The following DNM3 variants were observed in gnomAD, a reference collection of about 807,000 sequenced individuals.
DNM3 encodes dynamin-3.
Under a neutral mutation model 101.6 loss-of-function variants are expected in DNM3, and 47 were observed. That is an observed-to-expected ratio of 0.46 (90% CI 0.37 to 0.59). DNM3 has a LOEUF of 0.59. DNM3 is among the 20% of genes least tolerant of loss of function. The pLI is 0.00. For synonymous variants in DNM3, 385 were observed against 387.9 expected (o/e 0.99, Z 0.09); for missense variants, 849 against 1,085.7 (o/e 0.78, Z 3.06).
intron 14 of DNM3, among the ~76,000 whole-genome samples, chr1:172,203,521 G>A (rs2060223233): frequency 6.6e-6 from 1 of 152,126 alleles, no homozygotes; most frequent in African/African-American, 2.4e-5. Context: ...AACATGATAT[G>A]AATCTATTTT....
At chr1:171,846,770 ACT>A (rs1402720990) in intron 1 of DNM3, among the ~76,000 whole-genome samples, 4 of 152,006 alleles carry the variant, frequency 2.6e-5, no homozygotes, top group African/African-American at 7.3e-5. Context: ...AGTTTCTCAC[ACT>A]CTCTGCATTG....
At position 172,409,363 on chromosome 1, in the gene DNM3, TA is replaced by T; in HGVS notation, c.*1525del. 2 of 985,150 alleles carry T rather than the reference TA, an allele frequency of 2.0e-6. No homozygotes were observed. The highest frequency in any genetic ancestry group is 2.4e-6 in the Non-Finnish European group (2 of 829,686). 61.0% of individuals were successfully genotyped at this position (985,150 alleles called of 1,614,324 possible). ...AGTTTACACCCAGAGCAGATACTCATAAAGTATAAAGTAAAAACTTTTAACC... is the reference window on the plus strand; with the variant it reads ...AGTTTACACCCAGAGCAGATACTCATAAGTATAAAGTAAAAACTTTTAACC... On this transcript the variant is annotated 3_prime_UTR_variant, in exon 21 of 21. Coordinates refer to ENST00000627582, the MANE Select transcript of DNM3 (RefSeq NM_015569.5).
chr1:172,305,402 AC>A (rs1171645438), intron 15 of DNM3, among the ~76,000 whole-genome samples: 14 of 152,206 alleles, frequency 9.2e-5, no homozygotes, highest in Admixed American at 5.9e-4. Context: ...TAGCCTACCA[AC>A]CAAAAAAGTC....
chr1:172,134,329 T>TC (rs1430104416), intron 14 of DNM3, among the ~76,000 whole-genome samples: 1 of 152,122 alleles, frequency 6.6e-6, no homozygotes, highest in East Asian at 1.9e-4. Flanking sequence ...TAAGCAGGTA[T>TC]AATGACTAGG....
At chr1:172,176,958 G>A (rs562433657) in intron 14 of DNM3, among the ~76,000 whole-genome samples, 46 of 151,934 alleles carry the variant, frequency 3.0e-4, no homozygotes, top group African/African-American at 1.1e-3. Flanking sequence ...ACGAAAGCCT[G>A]CTCTAGGGCT....
At chr1:172,188,178 A>G (rs1013223272) in intron 14 of DNM3, among the ~76,000 whole-genome samples, 1 of 152,090 alleles carries the variant, frequency 6.6e-6, no homozygotes, top group Non-Finnish European at 1.5e-5. Flanking sequence ...AAATCCATCA[A>G]TTTGTCTTGG....
At chr1:171,858,353 C>T (rs2033826137) in intron 1 of DNM3, among the ~76,000 whole-genome samples, 1 of 152,118 alleles carries the variant, frequency 6.6e-6, no homozygotes, top group Admixed American at 6.6e-5. Flanking sequence ...CTTCTCTCTT[C>T]ATTTTCTTAA....
intron 17 of DNM3, among the ~76,000 whole-genome samples, chr1:172,346,139 A>AAAAG (rs1296202636): frequency 6.6e-6 from 1 of 151,610 alleles, no homozygotes; most frequent in Non-Finnish European, 1.5e-5. Context: ...AAAAAAAAAA[A>AAAAG]AAAGAAAGAA....
intron 4 of DNM3, among the ~76,000 whole-genome samples, chr1:172,027,729 T>G (rs1040478890): frequency 6.6e-6 from 1 of 151,950 alleles, no homozygotes; most frequent in Admixed American, 6.6e-5. Context: ...TGGAAGGATA[T>G]TTACCAAGGA....
intron 14 of DNM3, among the ~76,000 whole-genome samples, chr1:172,132,081 G>A (rs1452462030): frequency 6.6e-6 from 1 of 152,034 alleles, no homozygotes; most frequent in South Asian, 2.1e-4. Context: ...CTTATAATGC[G>A]GCATGCAAAC....
chr1:172,057,597 C>T (rs1215945456), intron 10 of DNM3, among the ~76,000 whole-genome samples: 1 of 152,042 alleles, frequency 6.6e-6, no homozygotes, highest in Non-Finnish European at 1.5e-5. Flanking sequence ...CCAAACTAAG[C>T]TTCATAAATG....
intron 2 of DNM3, among the ~76,000 whole-genome samples, chr1:171,935,949 A>G (rs1316937984): frequency 2.0e-5 from 3 of 152,044 alleles, no homozygotes; most frequent in East Asian, 3.9e-4. Context: ...GAGCACATTT[A>G]ACGTATTACA....
rs891308126 is a variant in DNM3 at position 172,268,385 on chromosome 1, T to C, written c.1769+14703T>C. 7.2e-5 allele frequency among the ~76,000 whole-genome samples: 11 copies of C among 152,190 alleles called. No individual in the cohort carries two copies. The East Asian group carries it at 1.2e-3, about 16-fold the overall frequency. ...TCTTTTCCTTTGTTCTAGTCCCTCATTGCAAAGATATTTGTTGTCATATGG... is the reference window on the plus strand; with the variant it reads ...TCTTTTCCTTTGTTCTAGTCCCTCACTGCAAAGATATTTGTTGTCATATGG... On this transcript the variant is annotated intron_variant, in intron 15 of 20. Coordinates refer to ENST00000627582, the MANE Select transcript of DNM3 (RefSeq NM_015569.5).
rs753657459 is a variant in DNM3 at position 172,218,665 on chromosome 1, A to G, written c.1660-34908A>G. ...TTCTGAAATATATGTGGCTCCAAGG[A>G]CTTCAGATAAGGAATTGTGGACTTG... On this transcript the variant is annotated intron_variant, in intron 14 of 20. Coordinates refer to ENST00000627582, the MANE Select transcript of DNM3 (RefSeq NM_015569.5). Among the ~76,000 whole-genome samples, 49 of 152,242 alleles carry G rather than the reference A, an allele frequency of 3.2e-4. 1 individual carries two copies. The highest frequency in any genetic ancestry group is 2.9e-4 in the Non-Finnish European group (20 of 67,992).
rs557406983 is a variant in DNM3 at position 171,895,899 on chromosome 1, C to G, written c.162-25849C>G. Among the ~76,000 whole-genome samples the G allele has an allele frequency of 4.8e-3, 726 of 152,242 alleles. 5 individuals are homozygous for G. Among genetic ancestry groups the G allele is most frequent in the African/African-American group, 0.017 (689 of 41,546 alleles). ...AGCACCATTTATTAAATAGGGAATC[C>G]TTTCCCCATTTCTTGTTTTTGTCAG... On this transcript the variant is annotated intron_variant, in intron 1 of 20. Coordinates refer to ENST00000627582, the MANE Select transcript of DNM3 (RefSeq NM_015569.5).
At chr1:172,360,170 G>A (rs2067668713) in intron 17 of DNM3, among the ~76,000 whole-genome samples, 1 of 151,864 alleles carries the variant, frequency 6.6e-6, no homozygotes, top group Non-Finnish European at 1.5e-5. Context: ...ATCCCTCTGG[G>A]TAAATAACTC....
chr1:172,135,289 G>T (rs1471593268), intron 14 of DNM3, among the ~76,000 whole-genome samples: 1 of 152,118 alleles, frequency 6.6e-6, no homozygotes, highest in African/African-American at 2.4e-5. Flanking sequence ...AGCACTGATA[G>T]GAGACACTAA....
At chr1:172,289,967 T>C (rs1325513515) in intron 15 of DNM3, 1 of 915,794 alleles carries the variant, frequency 1.1e-6, no homozygotes, top group Non-Finnish European at 1.3e-6. Context: ...ATAGTCCTAA[T>C]TTATTAAATT....
intron 16 of DNM3, among the ~76,000 whole-genome samples, chr1:172,322,401 C>A (rs914692018): frequency 1.3e-5 from 2 of 152,206 alleles, no homozygotes; most frequent in Non-Finnish European, 2.9e-5. Flanking sequence ...ACGTCTCCCC[C>A]ACAGGATCTG....
Sources: allele counts gnomAD v4.1 joint callset (sites outside exome capture counted in the v4.1 genomes callset), GRCh38; gene constraint gnomAD v4.1.1; transcripts MANE v1.5; gene names NCBI Gene and HGNC (gene_info 2026-07-23, HGNC 2026-07-21).